MAGI2: variants seen among roughly 807,000 people sequenced by gnomAD.
MAGI2 encodes the protein membrane associated guanylate kinase, WW and PDZ domain containing 2.
Under a neutral mutation model 133.3 loss-of-function variants are expected in MAGI2, and 35 were observed. The ratio of observed to expected loss-of-function variants is 0.26; its 90% confidence interval spans 0.20 to 0.35. The LOEUF (loss-of-function observed/expected upper bound fraction) is 0.35, where lower values mean the gene tolerates loss of function less well. MAGI2 is among the 10% of genes least tolerant of loss of function. MAGI2 has a pLI of 1.00. For missense variants in MAGI2, 1,636 were observed against 1,863.4 expected (o/e 0.88, Z 2.25); for synonymous variants, 729 against 710.6 (o/e 1.03, Z -0.41).
chr7:78,310,648 T>A (rs1177069641), intron 9 of MAGI2, among the ~76,000 whole-genome samples: 1 of 152,082 alleles, frequency 6.6e-6, no homozygotes, highest in Non-Finnish European at 1.5e-5. Context: ...ATGACAAGGA[T>A]CTGGACCAAG....
intron 4 of MAGI2, among the ~76,000 whole-genome samples, chr7:78,511,533 T>TTATATATATA (rs71978982): frequency 7.4e-6 from 1 of 134,550 alleles, no homozygotes; most frequent in African/African-American, 2.7e-5. Context: ...TCACCATCTT[T>TTATATATATA]TATATATATA....
chr7:78,435,462 TC>T (rs1443137291), intron 6 of MAGI2, among the ~76,000 whole-genome samples: 1 of 152,096 alleles, frequency 6.6e-6, no homozygotes, highest in South Asian at 2.1e-4. Context: ...TCTGCCAGTT[TC>T]CCCAAGATTT....
intron 6 of MAGI2, among the ~76,000 whole-genome samples, chr7:78,409,940 G>T (rs1797718011): frequency 6.6e-6 from 1 of 152,110 alleles, no homozygotes; most frequent in Admixed American, 6.6e-5. Context: ...TGCTATATTT[G>T]ATTAGAAAGA....
chr7:78,179,126 A>G (rs1318159532), intron 13 of MAGI2, among the ~76,000 whole-genome samples: 1 of 152,212 alleles, frequency 6.6e-6, no homozygotes, highest in African/African-American at 2.4e-5. Flanking sequence ...AGCAATTTAA[A>G]GAACTATTTA....
intron 2 of MAGI2, among the ~76,000 whole-genome samples, chr7:78,734,467 A>C (rs916156997): frequency 6.6e-6 from 1 of 152,176 alleles, no homozygotes; most frequent in African/African-American, 2.4e-5. Context: ...AAGGCAATAC[A>C]GTGTGGAATA....
chr7:78,992,529 G>A (rs1026853696), intron 2 of MAGI2, among the ~76,000 whole-genome samples: 1 of 151,876 alleles, frequency 6.6e-6, no homozygotes, highest in African/African-American at 2.4e-5. Flanking sequence ...AAGATAAGTT[G>A]TTATAAAGAT....
rs10526268 is a variant in MAGI2, at chr7:78,903,172, C to CTTTTTTTTTTTTTTTTTTTTT, written c.418+103897_418+103917dup. Among the ~76,000 whole-genome samples, 9 of 56,120 alleles carry CTTTTTTTTTTTTTTTTTTTTT rather than the reference C, an allele frequency of 1.6e-4. 2 individuals carry two copies. The highest frequency in any genetic ancestry group is 6.1e-4 in the Admixed American group (2 of 3,270). The allele number at this position is 56,120 out of a possible 152,430, so 36.8% of individuals were successfully genotyped here. Reference sequence around the variant, plus strand: ...TTCATGCAAGTGGGAGTTCCTGAATCTTTTTTTTTTTTTTTTTTTTTTTTT... The same window carrying CTTTTTTTTTTTTTTTTTTTTT: ...TTCATGCAAGTGGGAGTTCCTGAATCTTTTTTTTTTTTTTTTTTTTTTTTTTTTTTTTTTTTTTTTTTTTTT... On this transcript the variant is annotated intron_variant, in intron 2 of 21. Coordinates refer to ENST00000354212, the MANE Select transcript of MAGI2 (RefSeq NM_012301.4).
chr7:78,926,272 A>AT (rs1436953676), intron 2 of MAGI2, among the ~76,000 whole-genome samples: 4 of 151,918 alleles, frequency 2.6e-5, no homozygotes, highest in African/African-American at 9.7e-5. Context: ...TTATTTGTGG[A>AT]TTTTCTCTCC....
intron 6 of MAGI2, among the ~76,000 whole-genome samples, chr7:78,385,766 A>G (rs983591867): frequency 2.6e-5 from 4 of 152,192 alleles, no homozygotes; most frequent in African/African-American, 4.8e-5. Context: ...AAATTTGAGG[A>G]GTATGAATGA....
chr7:78,636,680 C>A (rs1461552886), intron 2 of MAGI2, among the ~76,000 whole-genome samples: 1 of 152,086 alleles, frequency 6.6e-6, no homozygotes. Flanking sequence ...CGCCTGTAGT[C>A]CCAGCTACTC....
chr7:78,780,190 C>T (rs1172968449), intron 2 of MAGI2, among the ~76,000 whole-genome samples: 1 of 152,206 alleles, frequency 6.6e-6, no homozygotes, highest in Non-Finnish European at 1.5e-5. Flanking sequence ...ATTTGTATCC[C>T]TTGCTCATTT....
intron 15 of MAGI2, among the ~76,000 whole-genome samples, chr7:78,167,371 G>T (rs1476113782): frequency 1.3e-5 from 2 of 152,124 alleles, no homozygotes. Flanking sequence ...GGTTGTAAAG[G>T]GAATGATTAT....
At chr7:79,189,583 ATATGT>A (rs1827475967) in intron 1 of MAGI2, among the ~76,000 whole-genome samples, 1 of 151,636 alleles carries the variant, frequency 6.6e-6, no homozygotes, top group Non-Finnish European at 1.5e-5. Flanking sequence ...ACAACTTGCA[ATATGT>A]TATATTTGTT....
intron 10 of MAGI2, among the ~76,000 whole-genome samples, chr7:78,222,240 G>T (rs533510760): frequency 7.2e-5 from 11 of 152,248 alleles, no homozygotes; most frequent in Middle Eastern, 6.8e-3. Flanking sequence ...TTATGGGATA[G>T]CAAAAAATTG....
At chr7:78,637,503 A>T (rs1047705806) in intron 2 of MAGI2, among the ~76,000 whole-genome samples, 1 of 152,082 alleles carries the variant, frequency 6.6e-6, no homozygotes, top group Non-Finnish European at 1.5e-5. Flanking sequence ...CAAAAAATAG[A>T]TGACAAATGA....
intron 6 of MAGI2, among the ~76,000 whole-genome samples, chr7:78,488,591 G>T (rs1176287429): frequency 1.3e-5 from 2 of 152,086 alleles, no homozygotes; most frequent in African/African-American, 2.4e-5. Flanking sequence ...ATGCTTTAAA[G>T]TTCTGATCAT....
At chr7:79,298,145 T>C (rs555460090) in intron 1 of MAGI2, among the ~76,000 whole-genome samples, 6 of 152,332 alleles carry the variant, frequency 3.9e-5, no homozygotes, top group East Asian at 3.9e-4. Context: ...TACTGTCTTA[T>C]TAGTTTAAAA....
chr7:79,404,759 C>G (rs141495851), intron 1 of MAGI2, among the ~76,000 whole-genome samples: 1 of 152,234 alleles, frequency 6.6e-6, no homozygotes, highest in African/African-American at 2.4e-5. Context: ...GCTCATATCC[C>G]TCTATATAGA....
intron 4 of MAGI2, among the ~76,000 whole-genome samples, chr7:78,506,586 T>TA (rs1364724885): frequency 6.6e-6 from 1 of 151,958 alleles, no homozygotes; most frequent in Admixed American, 6.6e-5. Context: ...ATGAGAAAAT[T>TA]AAAAAAACTT....
Sources: allele counts gnomAD v4.1 joint callset (sites outside exome capture counted in the v4.1 genomes callset), GRCh38; gene constraint gnomAD v4.1.1; transcripts MANE v1.5; gene names NCBI Gene and HGNC (gene_info 2026-07-23, HGNC 2026-07-21).